The following HCN2 variants were observed in gnomAD, a reference collection of about 807,000 sequenced individuals.
HCN2 encodes hyperpolarization activated cyclic nucleotide gated potassium and sodium channel 2.
HCN2 carries 20 observed loss-of-function variants against 52.3 expected under a neutral mutation model. The observed-to-expected ratio is 0.38, with a 90% CI of 0.27 to 0.56. The LOEUF (loss-of-function observed/expected upper bound fraction) is 0.56. Among genes scored for constraint, HCN2 ranks in the 20% least tolerant of loss-of-function variants. The pLI is 0.71. For synonymous variants in HCN2, 694 were observed against 537.0 expected (o/e 1.29, Z -4.04); for missense variants, 981 against 1,207.7 (o/e 0.81, Z 2.78).
chr19:600,348 T>A (rs951124022), intron 1 of HCN2, among the ~76,000 whole-genome samples: 1 of 151,790 alleles, frequency 6.6e-6, no homozygotes. Flanking sequence ...AATTTTTGTA[T>A]TATTATTTTT....
Position 604,684 on chromosome 19 carries a change from G to A in HCN2, c.1057-377G>A, listed in dbSNP as rs1407784122. Among the ~76,000 whole-genome samples, 446 of 99,216 alleles carry A rather than the reference G, an allele frequency of 4.5e-3. 8 individuals are homozygous for A. The highest frequency in any genetic ancestry group is 0.024 in the African/African-American group (396 of 16,298). The allele number at this position is 99,216 out of a possible 152,430, so 65.1% of individuals were successfully genotyped here. A position where few individuals can be genotyped will look rare whatever the true frequency, so the allele number is the denominator to read the frequency against. On this transcript the variant is annotated intron_variant, in intron 2 of 7. Coordinates refer to ENST00000251287, the MANE Select transcript of HCN2 (RefSeq NM_001194.4). ...TTGTGCTGGGCGGGGTCAGGCAGCA[G>A]GGGCGGGGCAATGCGGGTTTTGCTG...
intron 7 of HCN2, 110 bp from the exon 8 acceptor site, chr19:615,685 C>G: frequency 1.0e-6 from 1 of 1,003,520 alleles, no homozygotes; most frequent in Non-Finnish European, 1.6e-6. Context: ...TGCATGCTTG[C>G]TCTACACGGC....
chr19:599,454 T>C (rs964639367), intron 1 of HCN2, among the ~76,000 whole-genome samples: 3 of 151,920 alleles, frequency 2.0e-5, no homozygotes, highest in Admixed American at 6.6e-5. Context: ...CCGGCCATGA[T>C]AGGGAGGGGC....
At chr19:613,691 CCGGGG>C (rs1983763744) in intron 6 of HCN2, among the ~76,000 whole-genome samples, 156 bp from the exon 7 acceptor site, 2 of 61,966 alleles carry the variant, frequency 3.2e-5, no homozygotes, top group African/African-American at 6.1e-5. Flanking sequence ...GGGGATGGGG[CCGGGG>C]ATGGGGCCGG....
chr19:612,393 GGTGTGTGTGTGTGTGTGTGT>G (rs140326049), intron 5 of HCN2, among the ~76,000 whole-genome samples: 2 of 141,874 alleles, frequency 1.4e-5, no homozygotes, highest in Non-Finnish European at 3.1e-5. Flanking sequence ...GCTTTCCACT[GGTGTGTGTGTGTGTGTGTGT>G]GTGTGTGTGT....
rs553484848 is a variant in HCN2 at position 604,991 on chromosome 19, C to T, written c.1057-70C>T. 2.6e-4 allele frequency: 337 copies of T among 1,280,478 alleles called. 10 individuals are homozygous for T. In the South Asian group the frequency reaches 3.8e-3, roughly 14 times the overall value. The allele number at this position is 1,280,478 out of a possible 1,614,324, so 79.3% of individuals were successfully genotyped here. A position where few individuals can be genotyped will look rare whatever the true frequency, so the allele number is the denominator to read the frequency against. On this transcript the variant is annotated intron_variant, in intron 2 of 7. Transcript: ENST00000251287. ...CAGGAGCTCCCGCAGTGGGGGCGCA[C>T]GGGGCTGGGGCTCTGAAGGTGGGGG...
intron 6 of HCN2, 26 bp downstream of exon 6, chr19:613,514 A>C: frequency 1.8e-5 from 6 of 326,554 alleles, no homozygotes; most frequent in African/African-American, 4.0e-5. Context: ...GCGCGCCTGG[A>C]GGGGGAGGGG....
intron 3 of HCN2, among the ~76,000 whole-genome samples, chr19:606,083 T>C (rs1344567089): frequency 1.3e-5 from 2 of 152,194 alleles, no homozygotes; most frequent in African/African-American, 4.8e-5. Context: ...TTAACCCACA[T>C]TAATTATTAT....
At chr19:606,728 T>A (rs575423725) in intron 3 of HCN2, among the ~76,000 whole-genome samples, 55 of 151,250 alleles carry the variant, frequency 3.6e-4, no homozygotes, top group African/African-American at 1.3e-3. Flanking sequence ...GGCGCGCACC[T>A]GTAATTCCAG....
intron 1 of HCN2, among the ~76,000 whole-genome samples, chr19:598,437 G>A (rs144896216): frequency 7.2e-5 from 11 of 151,954 alleles, no homozygotes; most frequent in Non-Finnish European, 1.5e-4. Flanking sequence ...CTCCCAAGTA[G>A]CTGGGTCCAC....
chr19:616,462 G>C lies in HCN2; in HGVS notation c.2658G>C (p.Ser886=). The change falls in exon 8 of 8, where the codon TCG becomes TCC. Residue 886 remains serine, a synonymous_variant. Coordinates refer to ENST00000251287, the MANE Select transcript of HCN2 (RefSeq NM_001194.4). The part of the protein sequence containing the change: ...DPQDSARSRL[S]SNL ...AGGACTCCGCGCGCTCGCGCCTCTCGTCCAACTTGTGACCCTCGCCGACCG... is the reference window on the plus strand; with the variant it reads ...AGGACTCCGCGCGCTCGCGCCTCTCCTCCAACTTGTGACCCTCGCCGACCG... The C allele has an allele frequency of 8.1e-7, 1 of 1,233,866 alleles. No individual in the cohort carries two copies. Among genetic ancestry groups the C allele is most frequent in the Non-Finnish European group, 1.0e-6 (1 of 986,014 alleles). The allele number at this position is 1,233,866 out of a possible 1,614,324, so 76.4% of individuals were successfully genotyped here.
intron 1 of HCN2, among the ~76,000 whole-genome samples, chr19:596,266 T>A (rs1323053949): frequency 6.6e-6 from 1 of 152,180 alleles, no homozygotes; most frequent in East Asian, 1.9e-4. Context: ...TCAGTTTCCG[T>A]GTCAGAGCCG....
intron 1 of HCN2, among the ~76,000 whole-genome samples, chr19:597,113 G>C (rs1185298168): frequency 2.0e-5 from 3 of 152,230 alleles, no homozygotes; most frequent in African/African-American, 7.2e-5. Context: ...AGCCCCACAA[G>C]GGACCCTCAG....
intron 5 of HCN2, among the ~76,000 whole-genome samples, chr19:611,896 AG>A (rs1983650643): frequency 1.3e-5 from 2 of 152,198 alleles, no homozygotes; most frequent in Non-Finnish European, 2.9e-5. Context: ...CTGTAATCCC[AG>A]CACTTTCAGA....
Position 608,237 on chromosome 19 carries a change from C to G in HCN2, c.1437+55C>G. ...TCTGATGGGGGAGGCGGGCCTGGAT[C>G]TGGGGTCTGAGAGAGAGTCAGGCCA... On this transcript the variant is annotated intron_variant, in intron 4 of 7. Coordinates refer to ENST00000251287, the MANE Select transcript of HCN2 (RefSeq NM_001194.4). The G allele has an allele frequency of 2.0e-6, 3 of 1,523,306 alleles. No homozygotes were observed. In the South Asian group the frequency reaches 3.4e-5, roughly 17 times the overall value. The allele number at this position is 1,523,306 out of a possible 1,614,324, so 94.4% of individuals were successfully genotyped here.
chr19:610,713 A>G (rs1983594471), intron 5 of HCN2, among the ~76,000 whole-genome samples: 1 of 152,170 alleles, frequency 6.6e-6, no homozygotes, highest in African/African-American at 2.4e-5. Context: ...CCCGCTGAGC[A>G]CCAGGTCCTG....
At chr19:613,650 TGGGGATGGGGCC>T (rs750029317) in intron 6 of HCN2, among the ~76,000 whole-genome samples, 162 bp downstream of exon 6, 2 of 6,716 alleles carry the variant, frequency 3.0e-4, no homozygotes, top group African/African-American at 6.4e-4. Context: ...GGGATGGGGA[TGGGGATGGGGCC>T]GGGGATGGGG....
chr19:610,465 C>T, intron 5 of HCN2, 60 bp downstream of exon 5: 1 of 1,519,240 alleles, frequency 6.6e-7, no homozygotes, highest in East Asian at 2.3e-5. Flanking sequence ...CCTCCCTCTC[C>T]TGGAGCCCAG....
chr19:600,624 CGTGA>C, intron 1 of HCN2, among the ~76,000 whole-genome samples: 1 of 152,062 alleles, frequency 6.6e-6, no homozygotes, highest in South Asian at 2.1e-4. Context: ...GGATTACAGA[CGTGA>C]GCCACCACAC....
Sources: gnomAD v4.1 joint callset for allele counts (sites outside exome capture counted in the v4.1 genomes callset) on GRCh38, gnomAD v4.1.1 for gene constraint, MANE v1.5 for transcripts, NCBI Gene and HGNC (gene_info 2026-07-23, HGNC 2026-07-21) for gene names.